TSEN2: variants seen among roughly 807,000 people sequenced by gnomAD.
TSEN2 encodes tRNA splicing endonuclease subunit 2.
A neutral mutation model predicts 59.2 loss-of-function variants in TSEN2; 54 were observed. The observed-to-expected ratio is 0.91, with a 90% CI of 0.73 to 1.14. The LOEUF is 1.14. Ranked by LOEUF, TSEN2 falls within the 50% of genes most tolerant of loss-of-function variation. The pLI, the probability that TSEN2 is intolerant of heterozygous loss-of-function variation, is 0.00. For synonymous variants in TSEN2, 195 were observed against 198.2 expected, an observed-to-expected ratio of 0.98 and a Z score of 0.14; for missense variants, 636 against 576.2, an observed-to-expected ratio of 1.10 and a Z score of -1.06.
At chr3:12,488,737 G>A (rs760087799) in intron 1 of TSEN2, among the ~76,000 whole-genome samples, 17 of 152,172 alleles carry the variant, frequency 1.1e-4, no homozygotes, top group African/African-American at 3.1e-4. Flanking sequence ...GGGTAATTCC[G>A]TTACTGCTCA....
At chr3:12,503,829 C>T (rs773635401) in intron 5 of TSEN2, 45 bp downstream of exon 5, 49 of 1,591,438 alleles carry the variant, frequency 3.1e-5, no homozygotes, top group Middle Eastern at 3.5e-4. Flanking sequence ...CCATCCGTTC[C>T]TGGAGATGTT....
chr3:12,482,070 G>C (rs2052199706), upstream of TSEN2, among the ~76,000 whole-genome samples: 1 of 152,178 alleles, frequency 6.6e-6, no homozygotes, highest in South Asian at 2.1e-4. Context: ...ATAAAAGTGT[G>C]TATATCGAGA....
At chr3:12,509,223 C>A (rs1262788883) in intron 6 of TSEN2, among the ~76,000 whole-genome samples, 1 of 146,126 alleles carries the variant, frequency 6.8e-6, no homozygotes. Flanking sequence ...TTTTTTGAGA[C>A]AGGGTCTCGC....
chr3:12,501,287 C>T (rs765290272), intron 4 of TSEN2, among the ~76,000 whole-genome samples: 8 of 152,124 alleles, frequency 5.3e-5, no homozygotes, highest in South Asian at 2.1e-4. Context: ...AATTGAAGCA[C>T]GGAGAAGTTA....
Position 12,496,565 on chromosome 3 carries a change from A to G in TSEN2, c.308+11A>G, listed in dbSNP as rs1295295241. The G allele has an allele frequency of 6.2e-7, 1 of 1,614,060 alleles. No homozygotes were observed. Among genetic ancestry groups the G allele is most frequent in the African/African-American group, 1.3e-5 (1 of 75,056 alleles). ...CATCACATCAAAGAGGTAAGTCATA[A>G]TGAACTTTGGCTTCTGTCAAAATGA... On this transcript the variant is annotated intron_variant, in intron 4 of 11. Transcript: ENST00000284995.
intron 3 of TSEN2, 55 bp downstream of exon 3, chr3:12,492,272 T>A: frequency 6.8e-7 from 1 of 1,475,230 alleles, no homozygotes; most frequent in Non-Finnish European, 9.5e-7. Flanking sequence ...TTCCTTTGTT[T>A]TTGATCTTAT....
In TSEN2 at chr3:12,519,217, G is replaced by A. The variant is rs367704716; in HGVS notation, c.1099+20G>A. 116 of 1,613,948 alleles carry A rather than the reference G, an allele frequency of 7.2e-5. 2 individuals are homozygous for A. The South Asian group carries it at 7.6e-4, about 11-fold the overall frequency. On this transcript the variant is annotated intron_variant, in intron 8 of 11. Transcript: ENST00000284995. Reference sequence around the variant, plus strand: ...ATTTACGTAAGTAATTCTTGGCGTGGTGTGTGTGAGAATAGAGTTTATATC... The same window carrying A: ...ATTTACGTAAGTAATTCTTGGCGTGATGTGTGTGAGAATAGAGTTTATATC...
intron 11 of TSEN2, among the ~76,000 whole-genome samples, chr3:12,532,204 C>T (rs1239171733): frequency 6.6e-6 from 1 of 152,220 alleles, no homozygotes; most frequent in Admixed American, 6.5e-5. Context: ...CACCCTGCCC[C>T]TGCAGACCTG....
At chr3:12,524,739 C>CTT (rs746602626) in intron 8 of TSEN2, among the ~76,000 whole-genome samples, 61,936 of 131,502 alleles carry the variant, frequency 0.47, 15,567 homozygotes, top group African/African-American at 0.59. Flanking sequence ...TCTTTGGTCT[C>CTT]TTTTTTTTTT....
intron 8 of TSEN2, among the ~76,000 whole-genome samples, chr3:12,522,327 C>A (rs925952084): frequency 1.3e-5 from 2 of 152,120 alleles, no homozygotes; most frequent in African/African-American, 4.8e-5. Context: ...CCCCTGGAGG[C>A]CTTTGCCCTC....
intron 6 of TSEN2, among the ~76,000 whole-genome samples, chr3:12,514,189 T>G (rs2055805294): frequency 6.6e-6 from 1 of 152,134 alleles, no homozygotes; most frequent in Non-Finnish European, 1.5e-5. Context: ...CTCCAAGAAG[T>G]GACCTTTGAG....
At chr3:12,530,267 C>G (rs2057379209) in intron 10 of TSEN2, 3 of 1,004,614 alleles carry the variant, frequency 3.0e-6, no homozygotes, top group South Asian at 4.4e-5. Flanking sequence ...TTGCAGATCT[C>G]TTAGAGAGGA....
At chr3:12,493,742 ATAAC>A (rs1244930851) in intron 3 of TSEN2, among the ~76,000 whole-genome samples, 1 of 152,178 alleles carries the variant, frequency 6.6e-6, no homozygotes, top group African/African-American at 2.4e-5. Context: ...AAATAAATAA[ATAAC>A]AGAGCAAGAC....
At chr3:12,516,285 G>T (rs2056068674) in intron 6 of TSEN2, among the ~76,000 whole-genome samples, 1 of 152,096 alleles carries the variant, frequency 6.6e-6, no homozygotes, top group African/African-American at 2.4e-5. Flanking sequence ...AATTAGCCGG[G>T]CGTGGCGGCG....
At chr3:12,509,392 G>A (rs2125089090) in intron 6 of TSEN2, among the ~76,000 whole-genome samples, 1 of 152,172 alleles carries the variant, frequency 6.6e-6, no homozygotes, top group South Asian at 2.1e-4. Flanking sequence ...TAGAGATGGA[G>A]TTTCGCCATG....
At chr3:12,498,018 C>T (rs571908358) in intron 4 of TSEN2, among the ~76,000 whole-genome samples, 1 of 151,982 alleles carries the variant, frequency 6.6e-6, no homozygotes, top group South Asian at 2.1e-4. Flanking sequence ...CCTCTGTGGT[C>T]ATGTGGCATT....
intron 6 of TSEN2, among the ~76,000 whole-genome samples, chr3:12,506,452 A>C (rs3180166): frequency 1.3e-5 from 2 of 151,856 alleles, no homozygotes; most frequent in South Asian, 4.2e-4. Context: ...AAAATTAGCC[A>C]GGTGTGGCGG....
At chr3:12,514,796 T>G (rs2055881349) in intron 6 of TSEN2, 1 of 152,190 alleles carries the variant, frequency 6.6e-6, no homozygotes, top group Non-Finnish European at 1.5e-5. Flanking sequence ...TTGTGAAGCC[T>G]TCCATATTAA....
chr3:12,487,243 T>G (rs1377444373), intron 1 of TSEN2, among the ~76,000 whole-genome samples: 1 of 152,222 alleles, frequency 6.6e-6, no homozygotes, highest in Non-Finnish European at 1.5e-5. Context: ...CTGAGGGGTG[T>G]GCAGCCACAT....
Sources: gnomAD v4.1 joint callset for allele counts (sites outside exome capture counted in the v4.1 genomes callset) on GRCh38, gnomAD v4.1.1 for gene constraint, MANE v1.5 for transcripts, NCBI Gene and HGNC (gene_info 2026-07-23, HGNC 2026-07-21) for gene names.